CAP2: variants seen among roughly 807,000 people sequenced by gnomAD.
CAP2 encodes cyclase associated actin cytoskeleton regulatory protein 2.
A neutral mutation model predicts 57.7 loss-of-function variants in CAP2; 24 were observed. The observed-to-expected ratio is 0.42, with a 90% CI of 0.30 to 0.58. CAP2 has a LOEUF of 0.58. Ranked by LOEUF, CAP2 falls within the 20% of genes least tolerant of loss-of-function variation. The probability of loss-of-function intolerance (pLI) is 0.22; values close to 1 mark genes in which losing one functional copy is unlikely to be tolerated. For synonymous variants in CAP2, 194 were observed against 207.2 expected (o/e 0.94, Z 0.55); for missense variants, 501 against 590.3 (o/e 0.85, Z 1.57).
intron 4 of CAP2, among the ~76,000 whole-genome samples, chr6:17,480,773 G>GTTT (rs79702682): frequency 7.3e-6 from 1 of 136,368 alleles, no homozygotes; most frequent in Non-Finnish European, 1.6e-5. Context: ...GGTTTTTTTG[G>GTTT]TTTTTTTTTT....
intron 3 of CAP2, among the ~76,000 whole-genome samples, chr6:17,451,624 C>T (rs1760405444): frequency 6.6e-6 from 1 of 152,074 alleles, no homozygotes; most frequent in African/African-American, 2.4e-5. Context: ...ATTCTCCTGC[C>T]TCAGCCTCTC....
chr6:17,524,881 TTCTTTTCTTTTC>T (rs1328901832), intron 7 of CAP2, among the ~76,000 whole-genome samples: 9 of 75,452 alleles, frequency 1.2e-4, no homozygotes, highest in Non-Finnish European at 2.4e-4. Context: ...AGTATTTCTT[TTCTTTTCTTTTC>T]TTTTTTTTTT....
At chr6:17,421,730 G>A in intron 2 of CAP2, 54 bp downstream of exon 2, 3 of 1,603,358 alleles carry the variant, frequency 1.9e-6, no homozygotes, top group Non-Finnish European at 2.6e-6. Flanking sequence ...ACTTCATTTT[G>A]TTTCCATAAT....
intron 4 of CAP2, among the ~76,000 whole-genome samples, chr6:17,476,533 G>C (rs776461263): frequency 6.6e-6 from 1 of 152,174 alleles, no homozygotes; most frequent in Non-Finnish European, 1.5e-5. Flanking sequence ...TACCACGCTT[G>C]AGATTGGATT....
At chr6:17,404,487 C>G (rs1016609837) in intron 1 of CAP2, among the ~76,000 whole-genome samples, 2 of 152,100 alleles carry the variant, frequency 1.3e-5, no homozygotes, top group Non-Finnish European at 2.9e-5. Context: ...TGCCTGTAGT[C>G]CCAGCTACTC....
At chr6:17,502,637 C>T (rs553536718) in intron 4 of CAP2, among the ~76,000 whole-genome samples, 3 of 152,192 alleles carry the variant, frequency 2.0e-5, no homozygotes, top group Non-Finnish European at 4.4e-5. Flanking sequence ...ACTCTGTCTC[C>T]TCAGACTTTA....
At chr6:17,536,893 C>G (rs1224030535) in intron 7 of CAP2, among the ~76,000 whole-genome samples, 1 of 152,144 alleles carries the variant, frequency 6.6e-6, no homozygotes. Context: ...AGAGCAAATT[C>G]TCAAATTTTA....
chr6:17,450,875 T>G (rs770483561), intron 3 of CAP2, among the ~76,000 whole-genome samples: 2 of 152,228 alleles, frequency 1.3e-5, no homozygotes, highest in African/African-American at 2.4e-5. Context: ...CCCTTTTGAT[T>G]TGTGCTTTGG....
At chr6:17,554,443 C>A (rs1763247258) in intron 12 of CAP2, among the ~76,000 whole-genome samples, 1 of 152,118 alleles carries the variant, frequency 6.6e-6, no homozygotes, top group African/African-American at 2.4e-5. Flanking sequence ...TGTCCTTATA[C>A]AGTGGGGTCT....
At chr6:17,483,664 G>A (rs746627648) in intron 4 of CAP2, among the ~76,000 whole-genome samples, 3 of 152,168 alleles carry the variant, frequency 2.0e-5, no homozygotes, top group Non-Finnish European at 4.4e-5. Flanking sequence ...TGGAGCCCCA[G>A]GGCCCCTTGA....
chr6:17,484,511 G>C (rs1239930626), intron 4 of CAP2, among the ~76,000 whole-genome samples: 4 of 152,270 alleles, frequency 2.6e-5, no homozygotes, highest in Non-Finnish European at 5.9e-5. Context: ...CATTTCAGCT[G>C]ACAGGATAAA....
At chr6:17,528,983 A>G (rs986926649) in intron 7 of CAP2, among the ~76,000 whole-genome samples, 1 of 152,126 alleles carries the variant, frequency 6.6e-6, no homozygotes, top group Non-Finnish European at 1.5e-5. Flanking sequence ...TGGGAGGCCA[A>G]GGCAGGAGGA....
chr6:17,542,184 G>A (rs1477351189), intron 9 of CAP2, among the ~76,000 whole-genome samples: 1 of 152,086 alleles, frequency 6.6e-6, no homozygotes, highest in Non-Finnish European at 1.5e-5. Context: ...TTTTAATCAG[G>A]CAGCAAGACA....
chr6:17,411,899 A>G (rs1759150297), intron 1 of CAP2, among the ~76,000 whole-genome samples: 1 of 152,160 alleles, frequency 6.6e-6, no homozygotes. Flanking sequence ...AGAAATAGAA[A>G]GAGCTTCCTC....
chr6:17,433,133 C>T (rs959103805), intron 3 of CAP2, among the ~76,000 whole-genome samples: 2 of 152,102 alleles, frequency 1.3e-5, no homozygotes, highest in African/African-American at 2.4e-5. Context: ...CTGTCTGTCA[C>T]CTTGGCAGGC....
chr6:17,516,344 T>C (rs1201103168), intron 7 of CAP2, among the ~76,000 whole-genome samples: 2 of 152,218 alleles, frequency 1.3e-5, no homozygotes, highest in Non-Finnish European at 2.9e-5. Flanking sequence ...TTGAACTAAA[T>C]GATCATGAGG....
chr6:17,406,291 C>T (rs746224028), intron 1 of CAP2, among the ~76,000 whole-genome samples: 2 of 152,048 alleles, frequency 1.3e-5, no homozygotes, highest in Non-Finnish European at 2.9e-5. Flanking sequence ...TTGGGGCCAT[C>T]CTCAGGACAG....
intron 2 of CAP2, among the ~76,000 whole-genome samples, chr6:17,423,636 C>A (rs1759502678): frequency 6.6e-6 from 1 of 151,970 alleles, no homozygotes; most frequent in African/African-American, 2.4e-5. Context: ...AAAAAAAAAT[C>A]TCAATAATTT....
At chr6:17,455,831 A>T (rs540490630) in intron 3 of CAP2, among the ~76,000 whole-genome samples, 1 of 152,066 alleles carries the variant, frequency 6.6e-6, no homozygotes, top group African/African-American at 2.4e-5. Flanking sequence ...CACCGCGCCC[A>T]GCCTAAACTT....
Sources: gnomAD v4.1 joint callset for allele counts (sites outside exome capture counted in the v4.1 genomes callset) on GRCh38, gnomAD v4.1.1 for gene constraint, MANE v1.5 for transcripts, NCBI Gene and HGNC (gene_info 2026-07-23, HGNC 2026-07-21) for gene names.